SGIP1: variants seen among roughly 807,000 people sequenced by gnomAD.
The protein encoded by SGIP1 is SH3-containing GRB2-like protein 3-interacting protein 1.
SGIP1 carries 38 observed loss-of-function variants against 107.5 expected under a neutral mutation model. The observed-to-expected ratio is 0.35, with a 90% CI of 0.27 to 0.46. SGIP1 has a LOEUF of 0.46. Ranked by LOEUF, SGIP1 falls within the 20% of genes least tolerant of loss-of-function variation. The pLI is 1.00. For synonymous variants in SGIP1, 365 were observed against 366.1 expected (o/e 1.00, Z 0.03); for missense variants, 929 against 1,019.5 (o/e 0.91, Z 1.21).
intron 19 of SGIP1, among the ~76,000 whole-genome samples, chr1:66,726,223 C>A (rs1275599832): frequency 3.3e-5 from 5 of 152,178 alleles, no homozygotes; most frequent in Admixed American, 3.3e-4. Flanking sequence ...CTTTCTCCTG[C>A]AATGTCTCTC....
intron 19 of SGIP1, among the ~76,000 whole-genome samples, chr1:66,719,875 C>T (rs1034990828): frequency 6.6e-6 from 1 of 151,886 alleles, no homozygotes; most frequent in African/African-American, 2.4e-5. Context: ...TCAAAACACA[C>T]GAAGTAGCAA....
At chr1:66,702,960 T>C (rs1377557481) in intron 18 of SGIP1, among the ~76,000 whole-genome samples, 2 of 152,158 alleles carry the variant, frequency 1.3e-5, no homozygotes, top group Non-Finnish European at 2.9e-5. Flanking sequence ...AATGGGGAAC[T>C]AACAAGAACA....
chr1:66,729,243 C>T (rs1325567510), intron 19 of SGIP1, 21 bp from the exon 20 acceptor site: 2 of 1,612,938 alleles, frequency 1.2e-6, no homozygotes, highest in African/African-American at 1.3e-5. Context: ...TCTCTTTCCT[C>T]TCTGTGTTTT....
At chr1:66,739,021 G>A (rs141183551) in intron 21 of SGIP1, among the ~76,000 whole-genome samples, 1 of 152,084 alleles carries the variant, frequency 6.6e-6, no homozygotes, top group African/African-American at 2.4e-5. Context: ...TGTAAGTAGA[G>A]TTGCAGAATC....
At chr1:66,589,968 C>T (rs2063356282) in intron 1 of SGIP1, among the ~76,000 whole-genome samples, 1 of 151,970 alleles carries the variant, frequency 6.6e-6, no homozygotes, top group Non-Finnish European at 1.5e-5. Context: ...CAGATTCTCT[C>T]TTTGTTCCCT....
chr1:66,713,378 C>T (rs2093037381), intron 18 of SGIP1, among the ~76,000 whole-genome samples: 1 of 152,080 alleles, frequency 6.6e-6, no homozygotes, highest in Non-Finnish European at 1.5e-5. Context: ...ATTTCAGCTT[C>T]ACCACTTACC....
rs2094377143 is a variant in SGIP1, at chr1:66,739,450, C to T, written c.2147C>T (p.Thr716Ile). The T allele has an allele frequency of 6.2e-7, 1 of 1,614,226 alleles. No homozygotes were observed. Among genetic ancestry groups the T allele is most frequent in the East Asian group, 2.2e-5 (1 of 44,870 alleles). The change falls in exon 22 of 25, where the codon ACT becomes ATT. Residue 716 changes from threonine to isoleucine, a missense_variant. Physicochemically the swap from Thr to Ile is moderately conservative, Grantham distance 89. This residue lies in a region of SGIP1 where 341 missense variants were observed against 430.9 expected (regional missense o/e 0.79). Coordinates refer to ENST00000371037, the MANE Select transcript of SGIP1 (RefSeq NM_032291.4). The part of the protein sequence containing the change: ...DYKYNTDAMT[T>I]AVALNNVQFL... ...AAATATAATACAGATGCAATGACGA[C>T]TGCTGTGGCCCTCAACAATGTGCAG...
At chr1:66,604,360 A>G (rs999879127) in intron 1 of SGIP1, among the ~76,000 whole-genome samples, 4 of 152,212 alleles carry the variant, frequency 2.6e-5, no homozygotes, top group Non-Finnish European at 5.9e-5. Context: ...AAGCATTTCC[A>G]TCATGGTCGT....
intron 1 of SGIP1, among the ~76,000 whole-genome samples, chr1:66,588,481 A>G (rs1361945280): frequency 6.6e-6 from 1 of 152,168 alleles, no homozygotes; most frequent in East Asian, 1.9e-4. Flanking sequence ...CATATGTAAC[A>G]TTTGTCACTA....
chr1:66,583,423 C>T lies in SGIP1; in HGVS notation c.11-42424C>T, dbSNP rs74803103. Reference sequence around the variant, plus strand: ...ATTGCACTTACTTCCTTAGTTTGCTCTTACGCACTTTCGTTCTTGTCAACT... The same window carrying T: ...ATTGCACTTACTTCCTTAGTTTGCTTTTACGCACTTTCGTTCTTGTCAACT... On this transcript the variant is annotated intron_variant, in intron 1 of 24. Transcript: ENST00000371037. Among the ~76,000 whole-genome samples, 504 of 152,222 alleles carry T rather than the reference C, an allele frequency of 3.3e-3. 7 individuals are homozygous for T. The highest frequency in any genetic ancestry group is 0.012 in the African/African-American group (481 of 41,562).
At chr1:66,539,186 G>A (rs1431606008) in intron 1 of SGIP1, among the ~76,000 whole-genome samples, 1 of 152,198 alleles carries the variant, frequency 6.6e-6, no homozygotes, top group African/African-American at 2.4e-5. Context: ...TTGGGCTCAT[G>A]TGTCTGAGTA....
In SGIP1 at chr1:66,740,667, A is replaced by G; in HGVS notation, c.2244A>G (p.Glu748=). The G allele has an allele frequency of 1.2e-6, 2 of 1,606,252 alleles. No homozygotes were observed. The highest frequency in any genetic ancestry group is 1.7e-6 in the Non-Finnish European group (2 of 1,174,714). The change falls in exon 23 of 25, where the codon GAA becomes GAG. Residue 748 remains glutamate (E), a synonymous_variant. Coordinates refer to ENST00000371037, the MANE Select transcript of SGIP1 (RefSeq NM_032291.4). The part of the protein sequence containing the change: ...AVLPPAVWNA[E]QQRILWKIPD... ...CCTAATTTATTTTTAGGAATGCTGA[A>G]CAACAGAGAATATTGTGGAAGATTC...
chr1:66,602,137 T>A lies in SGIP1; in HGVS notation c.11-23710T>A, dbSNP rs953858584. ...CATTGGCCTCTCAGACCCCTGGGAT[T>A]TTCTACTAGAAAAGCTTGAAAGTCC... On this transcript the variant is annotated intron_variant, in intron 1 of 24. Coordinates refer to ENST00000371037, the MANE Select transcript of SGIP1 (RefSeq NM_032291.4). Among the ~76,000 whole-genome samples the A allele has an allele frequency of 3.3e-5, 5 of 152,314 alleles. No homozygotes were observed. The East Asian group carries it at 7.7e-4, about 24-fold the overall frequency.
At chr1:66,549,137 G>GCCTGCCTTCCTTCCTT (rs1051893057) in intron 1 of SGIP1, among the ~76,000 whole-genome samples, 7 of 144,424 alleles carry the variant, frequency 4.8e-5, no homozygotes, top group African/African-American at 1.8e-4. Flanking sequence ...CTGGCTACCT[G>GCCTGCCTTCCTTCCTT]CCTTCCTTCC....
Position 66,743,251 on chromosome 1 carries a change from C to T in SGIP1, c.*156C>T. The stretch of plus-strand genomic sequence containing the variant: ...ACTTTCATCTGTGATTTCCCTCACA[C>T]ACTACCATGATGACCAGTCCTACAG... On this transcript the variant is annotated 3_prime_UTR_variant, in exon 25 of 25. Coordinates refer to ENST00000371037, the MANE Select transcript of SGIP1 (RefSeq NM_032291.4). The T allele has an allele frequency of 1.5e-6, 1 of 660,746 alleles. No homozygotes were observed. Among genetic ancestry groups the T allele is most frequent in the East Asian group, 2.8e-5 (1 of 35,792 alleles). 40.9% of individuals were successfully genotyped at this position (660,746 alleles called of 1,614,324 possible). A position where few individuals can be genotyped will look rare whatever the true frequency, so the allele number is the denominator to read the frequency against.
At chr1:66,627,491 G>A (rs1366336723) in intron 2 of SGIP1, among the ~76,000 whole-genome samples, 1 of 152,074 alleles carries the variant, frequency 6.6e-6, no homozygotes, top group Non-Finnish European at 1.5e-5. Flanking sequence ...GAAGTGTGTG[G>A]GCTACTTCCA....
At chr1:66,631,698 TC>T (rs2074773296) in intron 2 of SGIP1, among the ~76,000 whole-genome samples, 1 of 35,724 alleles carries the variant, frequency 2.8e-5, no homozygotes, top group African/African-American at 1.9e-4. Context: ...TCTCTCTCTC[TC>T]TCTCTCTCTC....
intron 7 of SGIP1, among the ~76,000 whole-genome samples, chr1:66,656,020 CT>C (rs2079697268): frequency 6.6e-6 from 1 of 151,988 alleles, no homozygotes; most frequent in Admixed American, 6.6e-5. Flanking sequence ...ACTTTATACT[CT>C]TTCTTTGTAG....
At chr1:66,579,529 C>G (rs998612325) in intron 1 of SGIP1, among the ~76,000 whole-genome samples, 3 of 152,184 alleles carry the variant, frequency 2.0e-5, no homozygotes, top group African/African-American at 7.2e-5. Flanking sequence ...GTGCATGTAG[C>G]AAGACACCTG....
Sources: allele counts gnomAD v4.1 joint callset (sites outside exome capture counted in the v4.1 genomes callset), GRCh38; gene constraint gnomAD v4.1.1; regional missense constraint gnomAD v4.1.1; transcripts MANE v1.5; gene names NCBI Gene and HGNC (gene_info 2026-07-23, HGNC 2026-07-21).